The following SF3B4 variants were observed in gnomAD, a reference collection of about 807,000 sequenced individuals.
SF3B4 encodes the protein SAP 49.
Under a neutral mutation model 34.3 loss-of-function variants are expected in SF3B4, and 3 were observed. The observed-to-expected ratio is 0.09, with a 90% confidence interval of 0.04 to 0.23. SF3B4 has a LOEUF of 0.23. SF3B4 is among the 10% of genes least tolerant of loss of function. SF3B4 has a pLI of 1.00. For missense variants in SF3B4, 283 were observed against 567.2 expected (o/e 0.50, Z 5.09); for synonymous variants, 216 against 207.8 (o/e 1.04, Z -0.34).
At position 149,923,440 on chromosome 1, in the gene SF3B4, AG is replaced by A. The variant is rs2092567466; in HGVS notation, c.*101del. 2.1e-5 allele frequency: 18 copies of A among 856,878 alleles called. 1 individual carries two copies. The South Asian group carries it at 3.4e-4, about 16-fold the overall frequency. 53.1% of individuals were successfully genotyped at this position (856,878 alleles called of 1,614,324 possible). On this transcript the variant is annotated 3_prime_UTR_variant, in exon 6 of 6. Coordinates refer to ENST00000271628, the MANE Select transcript of SF3B4 (RefSeq NM_005850.5). ...AGGGGAATGGAGTGGGGGTGCTGAA[AG>A]GGATTAGTACCTTTGCCCCAAGGAG... is the stretch of plus-strand genomic sequence containing the variant.
At position 149,926,974 on chromosome 1, in the gene SF3B4, G is replaced by A. The variant is rs1487032559; in HGVS notation, c.164-56C>T. ...CGTAAGTAAAGAGACTGAAAATGGG[G>A]TAAAATTCATCTACCCTCTAATCAC... On this transcript the variant is annotated intron_variant, in intron 2 of 5. Transcript: ENST00000271628. This position sits in a 1 kb window ranked among gnomAD's most constrained non-coding sequence, Gnocchi z 6.2. The A allele has an allele frequency of 1.2e-5, 18 of 1,512,512 alleles. No homozygotes were observed. The highest frequency in any genetic ancestry group is 1.6e-5 in the Non-Finnish European group (18 of 1,124,230). 93.7% of individuals were successfully genotyped at this position (1,512,512 alleles called of 1,614,324 possible).
At chr1:149,924,149 A>C in intron 4 of SF3B4, 135 bp from the exon 5 acceptor site, 59 of 763,242 alleles carry the variant, frequency 7.7e-5, no homozygotes, top group Middle Eastern at 3.8e-4. Flanking sequence ...GGTATAGAAA[A>C]TAAGGCTGGC....
chr1:149,924,629 T>C (rs142543524), intron 4 of SF3B4, among the ~76,000 whole-genome samples: 3 of 152,176 alleles, frequency 2.0e-5, no homozygotes, highest in Non-Finnish European at 4.4e-5. Context: ...ACTCTGTTGA[T>C]AGGATTTGAG....
Position 149,927,278 on chromosome 1 carries a change from C to T in SF3B4, c.51G>A (p.Val17=). 1 of 1,613,982 alleles carries T rather than the reference C, an allele frequency of 6.2e-7. No individual in the cohort carries two copies. The highest frequency in any genetic ancestry group is 8.5e-7 in the Non-Finnish European group (1 of 1,180,002). ...SERNQDATVY[V]GGLDEKVSEP... is the part of the protein sequence containing the mutation. ...CACTAACCTTCTCATCCAGGCCCCCCACGTACACAGTGGCATCTTGAAGGG... is the reference window on the plus strand; with the variant it reads ...CACTAACCTTCTCATCCAGGCCCCCTACGTACACAGTGGCATCTTGAAGGG... The change falls in exon 2 of 6, where the codon GTG becomes GTA. Residue 17 remains valine (V), a synonymous_variant. Coordinates refer to ENST00000271628, the MANE Select transcript of SF3B4 (RefSeq NM_005850.5).
intron 4 of SF3B4, among the ~76,000 whole-genome samples, chr1:149,924,676 T>C (rs587730027): frequency 6.6e-6 from 1 of 152,252 alleles, no homozygotes; most frequent in South Asian, 2.1e-4. Flanking sequence ...AGCAAAGATC[T>C]AATTCTAAAG....
In SF3B4 at chr1:149,923,517, T is replaced by A. The variant is rs900173937; in HGVS notation, c.*25A>T. 1.9e-6 allele frequency: 3 copies of A among 1,551,118 alleles called. No homozygotes were observed. The highest frequency in any genetic ancestry group is 2.0e-5 in the Admixed American group (1 of 48,928). On this transcript the variant is annotated 3_prime_UTR_variant, in exon 6 of 6. Transcript: ENST00000271628. ...GAATAGAAAAGATATTGGGAAAATG[T>A]AACAGGAGGAAGGAAAATGTGAATT...
rs1193863535 is a variant in SF3B4 at position 149,926,132 on chromosome 1, G to T, written c.707-90C>A. 4 of 725,538 alleles carry T rather than the reference G, an allele frequency of 5.5e-6. No homozygotes were observed. The highest frequency in any genetic ancestry group is 9.0e-6 in the Non-Finnish European group (4 of 445,340). The allele number at this position is 725,538 out of a possible 1,614,324, so 44.9% of individuals were successfully genotyped here. A position where few individuals can be genotyped will look rare whatever the true frequency, so the allele number is the denominator to read the frequency against. On this transcript the variant is annotated intron_variant, in intron 3 of 5. Coordinates refer to ENST00000271628, the MANE Select transcript of SF3B4 (RefSeq NM_005850.5). This position sits in a 1 kb window ranked among gnomAD's most constrained non-coding sequence, Gnocchi z 6.2. ...GTCCTGATCTGGCCTCTCCAGGCAG[G>T]GTGAGCTCTTTCCCCCTCCTCCCAG...
intron 1 of SF3B4, 93 bp from the exon 2 acceptor site, chr1:149,927,387 C>A: frequency 6.7e-7 from 1 of 1,503,666 alleles, no homozygotes; most frequent in Middle Eastern, 1.7e-4. Context: ...ACCAGGGGAA[C>A]TGGGGACCGC....
rs1268339040 is a variant in SF3B4 at position 149,926,861 on chromosome 1, A to G, written c.221T>C (p.Met74Thr). Residue 74 changes from methionine to threonine, a missense_variant, in exon 3 of 6, where the codon ATG (methionine) becomes ACG (threonine). Met to Thr is a moderately conservative substitution (Grantham distance 81). Around this residue, in one of 4 missense-constraint regions of SF3B4, gnomAD observed 39 missense variants for 127.3 expected, o/e 0.31. Transcript: ENST00000271628. The surrounding 1 kb of genome is among the most constrained non-coding windows in gnomAD (Gnocchi z 6.2). ...EEDADYAIKI[M>T]NMIKLYGKPI... ...CTTCCCATAGAGTTTGATCATGTTC[A>G]TGATCTTAATGGCATAGTCAGCATC... 2 of 1,613,838 alleles carry G rather than the reference A, an allele frequency of 1.2e-6. No homozygotes were observed. The highest frequency in any genetic ancestry group is 1.7e-6 in the Non-Finnish European group (2 of 1,179,994).
chr1:149,927,221 A>G lies in SF3B4; in HGVS notation c.108T>C (p.Ala36=). ...EPLLWELFLQ[A]GPVVNTHMPK... ...GCATGTGGGTGTTGACTACTGGTCC[A>G]GCCTGGAGAAACAGTTCCCACAGCA... The change falls in exon 2 of 6, where the codon GCT becomes GCC. Residue 36 remains alanine (A), a synonymous_variant. Transcript: ENST00000271628. The G allele has an allele frequency of 6.2e-7, 1 of 1,614,192 alleles. No individual in the cohort carries two copies. Among genetic ancestry groups the G allele is most frequent in the South Asian group, 1.1e-5 (1 of 91,086 alleles).
At chr1:149,927,410 G>C in intron 1 of SF3B4, 116 bp from the exon 2 acceptor site, 1 of 1,267,746 alleles carries the variant, frequency 7.9e-7, no homozygotes, top group Admixed American at 2.4e-5. Context: ...TAGGGGACAG[G>C]AGCAAAAAAA....
chr1:149,927,004 A>T, intron 2 of SF3B4, 86 bp from the exon 3 acceptor site: 7 of 1,464,226 alleles, frequency 4.8e-6, no homozygotes, highest in Non-Finnish European at 6.4e-6. Context: ...AATCACAAAG[A>T]ACAAGAAAGA....
chr1:149,923,530 G>T lies in SF3B4; in HGVS notation c.*12C>A. The T allele has an allele frequency of 6.4e-7, 1 of 1,568,510 alleles. No homozygotes were observed. ...ATTGGGAAAATGTAACAGGAGGAAG[G>T]AAAATGTGAATTTACTGAGGGAGAG... On this transcript the variant is annotated 3_prime_UTR_variant, in exon 6 of 6. Coordinates refer to ENST00000271628, the MANE Select transcript of SF3B4 (RefSeq NM_005850.5).
chr1:149,925,692 T>G, intron 4 of SF3B4, 144 bp downstream of exon 4: 1 of 734,938 alleles, frequency 1.4e-6, no homozygotes, highest in East Asian at 2.7e-5. Flanking sequence ...TTAGAGAGCA[T>G]TTTGTATGTT....
At chr1:149,927,104 A>G (rs1480001981) in intron 2 of SF3B4, 62 bp downstream of exon 2, 2 of 1,587,048 alleles carry the variant, frequency 1.3e-6, no homozygotes, top group Non-Finnish European at 1.7e-6. Flanking sequence ...ATGTTATTCC[A>G]AAACAGTTGT....
chr1:149,925,871 G>A lies in SF3B4; in HGVS notation c.878C>T (p.Pro293Leu). ...AGHPGHGHSHPHPFPPGGMPH... is the reference protein window; with the variant it reads ...AGHPGHGHSHLHPFPPGGMPH... ...CATCCCACCCGGTGGGAATGGGTGA[G>A]GATGTGAGTGTCCATGACCAGGATG... The change falls in exon 4 of 6, where the codon CCT becomes CTT. Residue 293 changes from proline (P) to leucine (L), a missense_variant. This residue lies in a region of SF3B4 where 208 missense variants were observed against 292.6 expected (regional missense o/e 0.71). Transcript: ENST00000271628. The A allele has an allele frequency of 1.9e-6, 3 of 1,612,604 alleles. No homozygotes were observed. The highest frequency in any genetic ancestry group is 2.5e-6 in the Non-Finnish European group (3 of 1,179,124).
At chr1:149,927,090 G>A (rs2092594601) in intron 2 of SF3B4, 76 bp downstream of exon 2, 5 of 1,565,200 alleles carry the variant, frequency 3.2e-6, no homozygotes, top group Non-Finnish European at 4.3e-6. Flanking sequence ...TCTTTAGGTT[G>A]CTCATGTTAT....
intron 4 of SF3B4, 140 bp downstream of exon 4, chr1:149,925,696 G>A (rs782310234): frequency 1.3e-6 from 1 of 742,992 alleles, no homozygotes; most frequent in Non-Finnish European, 2.4e-6. Context: ...AGAGCATTTT[G>A]TATGTTTTTA....
At position 149,924,032 on chromosome 1, in the gene SF3B4, A is replaced by C; in HGVS notation, c.914-18T>G. The C allele has an allele frequency of 1.3e-6, 2 of 1,515,604 alleles. No homozygotes were observed. Among genetic ancestry groups the C allele is most frequent in the Non-Finnish European group, 1.8e-6 (2 of 1,138,964 alleles). 93.9% of individuals were successfully genotyped at this position (1,515,604 alleles called of 1,614,324 possible). A position where few individuals can be genotyped will look rare whatever the true frequency, so the allele number is the denominator to read the frequency against. ...AGACATCCCTATGAAAATAAAATAGACACAAGAAGAAAAGAGACAAAGAGA... is the reference window on the plus strand; with the variant it reads ...AGACATCCCTATGAAAATAAAATAGCCACAAGAAGAAAAGAGACAAAGAGA... On this transcript the variant is annotated intron_variant, in intron 4 of 5. Transcript: ENST00000271628.
Sources: gnomAD v4.1 joint callset for allele counts (sites outside exome capture counted in the v4.1 genomes callset) on GRCh38, gnomAD v4.1.1 for gene constraint, gnomAD v4.1.1 regional missense constraint, Gnocchi (gnomAD v3.1) non-coding constraint, MANE v1.5 for transcripts, NCBI Gene and HGNC (gene_info 2026-07-23, HGNC 2026-07-21) for gene names.